ENOX1: variants seen among roughly 807,000 people sequenced by gnomAD.
ENOX1 encodes the protein candidate growth-related and time keeping constitutive hydroquinone (NADH) oxidase.
In ENOX1, 42 loss-of-function variants were observed where a neutral mutation model predicts 82.5. That is an observed-to-expected ratio of 0.51 (90% CI 0.40 to 0.66). ENOX1 has a LOEUF of 0.66. ENOX1 is among the 30% of genes least tolerant of loss of function. The probability of loss-of-function intolerance (pLI) is 0.00; values close to 1 mark genes in which losing one functional copy is unlikely to be tolerated. For synonymous variants in ENOX1, 271 were observed against 282.2 expected, an observed-to-expected ratio of 0.96 and a Z score of 0.40; for missense variants, 608 against 811.6, an observed-to-expected ratio of 0.75 and a Z score of 3.05.
intron 12 of ENOX1, among the ~76,000 whole-genome samples, chr13:43,291,349 C>T (rs1044055653): frequency 6.6e-6 from 1 of 152,242 alleles, no homozygotes; most frequent in Non-Finnish European, 1.5e-5. Context: ...TCTTCTAGAA[C>T]AGGGAAACAG....
intron 5 of ENOX1, among the ~76,000 whole-genome samples, chr13:43,378,200 T>C (rs1371888801): frequency 6.6e-6 from 1 of 152,120 alleles, no homozygotes; most frequent in Non-Finnish European, 1.5e-5. Context: ...AAGTGAGCCA[T>C]ATGATTGCCC....
chr13:43,265,157 C>T (rs555405592), intron 14 of ENOX1, among the ~76,000 whole-genome samples: 7 of 152,206 alleles, frequency 4.6e-5, no homozygotes, highest in Non-Finnish European at 8.8e-5. Flanking sequence ...AACAGACTCA[C>T]TGAAATTAGA....
chr13:43,701,147 C>T (rs1330386784), intron 1 of ENOX1, among the ~76,000 whole-genome samples: 1 of 152,066 alleles, frequency 6.6e-6, no homozygotes, highest in Non-Finnish European at 1.5e-5. Context: ...TGCATTATCA[C>T]AATGTTAATT....
chr13:43,690,433 G>A (rs1161717103), intron 1 of ENOX1, among the ~76,000 whole-genome samples: 1 of 151,990 alleles, frequency 6.6e-6, no homozygotes, highest in Admixed American at 6.6e-5. Flanking sequence ...ATATAATTGA[G>A]GATGGTGACA....
At chr13:43,398,652 C>T (rs1234058451) in intron 5 of ENOX1, among the ~76,000 whole-genome samples, 1 of 152,090 alleles carries the variant, frequency 6.6e-6, no homozygotes, top group East Asian at 1.9e-4. Flanking sequence ...ATTTCTTCCA[C>T]CTCTGACACC....
intron 1 of ENOX1, among the ~76,000 whole-genome samples, chr13:43,777,244 T>C (rs1261122743): frequency 2.6e-5 from 4 of 152,222 alleles, no homozygotes; most frequent in Non-Finnish European, 5.9e-5. Context: ...TATTCTCTGT[T>C]ACGCTTTCTT....
chr13:43,690,442 CAA>C, intron 1 of ENOX1, among the ~76,000 whole-genome samples: 1 of 152,172 alleles, frequency 6.6e-6, no homozygotes, highest in African/African-American at 2.4e-5. Flanking sequence ...AGGATGGTGA[CAA>C]TGCTACCCAT....
intron 2 of ENOX1, among the ~76,000 whole-genome samples, chr13:43,527,082 G>A (rs4942236): frequency 0.13 from 20,332 of 151,804 alleles, 1,999 homozygotes; most frequent in East Asian, 0.49. Flanking sequence ...TGTGAGAAAT[G>A]AATTTATGTT....
At chr13:43,629,836 G>A (rs1183310818) in intron 2 of ENOX1, among the ~76,000 whole-genome samples, 4 of 152,082 alleles carry the variant, frequency 2.6e-5, no homozygotes, top group South Asian at 2.1e-4. Context: ...AAGAAGTAAT[G>A]GTATTCAGGA....
In ENOX1 at chr13:43,573,551, C is replaced by T. The variant is rs559627022; in HGVS notation, c.-218-89399G>A. 7.9e-5 allele frequency among the ~76,000 whole-genome samples: 12 copies of T among 152,254 alleles called. No individual in the cohort carries two copies. The South Asian group carries it at 1.2e-3, about 16-fold the overall frequency. On this transcript the variant is annotated intron_variant, in intron 2 of 16. Coordinates refer to ENST00000690772, the MANE Select transcript of ENOX1 (RefSeq NM_001347969.2). ...CATGAATAAAATGCAGTGGCTGTCA[C>T]GGCAAGAATGAAGAAATGTGTGTGT...
intron 1 of ENOX1, among the ~76,000 whole-genome samples, chr13:43,674,745 C>A (rs2085428191): frequency 1.3e-5 from 2 of 152,148 alleles, no homozygotes; most frequent in Admixed American, 1.3e-4. Flanking sequence ...CTTTGGATGA[C>A]AATGATGTGT....
chr13:43,523,445 A>G (rs1332365877), intron 2 of ENOX1, among the ~76,000 whole-genome samples: 1 of 152,202 alleles, frequency 6.6e-6, no homozygotes, highest in Non-Finnish European at 1.5e-5. Context: ...GGAAGACAAG[A>G]ATAAGGACTA....
At chr13:43,470,132 T>C (rs532253274) in intron 3 of ENOX1, among the ~76,000 whole-genome samples, 1 of 150,360 alleles carries the variant, frequency 6.7e-6, no homozygotes, top group South Asian at 2.1e-4. Flanking sequence ...ATATGGATAA[T>C]AAATCTAAAC....
At chr13:43,473,071 G>A (rs1477161234) in intron 3 of ENOX1, among the ~76,000 whole-genome samples, 5 of 152,110 alleles carry the variant, frequency 3.3e-5, no homozygotes, top group African/African-American at 9.7e-5. Flanking sequence ...TATTTTCTAT[G>A]GGTCTTGTAT....
chr13:43,736,113 T>C (rs1253853961), intron 1 of ENOX1, among the ~76,000 whole-genome samples: 1 of 152,204 alleles, frequency 6.6e-6, no homozygotes, highest in East Asian at 1.9e-4. Flanking sequence ...ACCTTATTGA[T>C]TCAATCATAC....
At chr13:43,579,202 T>C (rs1296613788) in intron 2 of ENOX1, among the ~76,000 whole-genome samples, 1 of 152,116 alleles carries the variant, frequency 6.6e-6, no homozygotes, top group Non-Finnish European at 1.5e-5. Flanking sequence ...GTTGAAGTAG[T>C]AAATGAGGAA....
chr13:43,560,980 GAC>G (rs556162706), intron 2 of ENOX1, among the ~76,000 whole-genome samples: 160 of 152,256 alleles, frequency 1.1e-3, no homozygotes, highest in African/African-American at 3.7e-3. Flanking sequence ...TCATTTAAAA[GAC>G]AGTAATCAAA....
chr13:43,616,031 G>A (rs1321398236), intron 2 of ENOX1, among the ~76,000 whole-genome samples: 1 of 131,014 alleles, frequency 7.6e-6, no homozygotes, highest in East Asian at 2.5e-4. Flanking sequence ...CTTTGCTATT[G>A]TGAACAGTGC....
At chr13:43,278,510 A>G (rs1340820796) in intron 12 of ENOX1, among the ~76,000 whole-genome samples, 2 of 152,248 alleles carry the variant, frequency 1.3e-5, no homozygotes, top group Non-Finnish European at 2.9e-5. Context: ...ATTTAAAACA[A>G]TGAAACATTT....
Sources: gnomAD v4.1 joint callset for allele counts (sites outside exome capture counted in the v4.1 genomes callset) on GRCh38, gnomAD v4.1.1 for gene constraint, MANE v1.5 for transcripts, NCBI Gene and HGNC (gene_info 2026-07-23, HGNC 2026-07-21) for gene names.